Variants in TENM2 observed in about 807,000 individuals in gnomAD.
TENM2 encodes the protein teneurin-2.
Under a neutral mutation model 245.2 loss-of-function variants are expected in TENM2, and 52 were observed. The ratio of observed to expected loss-of-function variants is 0.21; its 90% CI spans 0.17 to 0.27. The LOEUF is 0.27. Among genes scored for constraint, TENM2 ranks in the 10% least tolerant of loss-of-function variants. The pLI, the probability that TENM2 is intolerant of heterozygous loss-of-function variation, is 1.00. For missense variants in TENM2, 3,046 were observed against 3,666.8 expected, an observed-to-expected ratio of 0.83 and a Z score of 4.37; for synonymous variants, 1,363 against 1,438.9, an observed-to-expected ratio of 0.95 and a Z score of 1.19.
At chr5:167,829,030 C>T (rs1001054142) in intron 2 of TENM2, among the ~76,000 whole-genome samples, 15 of 152,120 alleles carry the variant, frequency 9.9e-5, no homozygotes, top group South Asian at 4.1e-4. Flanking sequence ...GAGCTTTTTC[C>T]GGACTGGCTC....
chr5:168,226,449 C>CAGAT (rs1354168174), intron 24 of TENM2, among the ~76,000 whole-genome samples, 186 bp downstream of exon 26: 3 of 151,770 alleles, frequency 2.0e-5, no homozygotes, highest in South Asian at 2.1e-4. Flanking sequence ...ATGACTTAAT[C>CAGAT]AGATAGAACA....
chr5:168,144,735 A>G (rs563938344), intron 12 of TENM2, among the ~76,000 whole-genome samples: 1 of 152,230 alleles, frequency 6.6e-6, no homozygotes, highest in Non-Finnish European at 1.5e-5. Flanking sequence ...TTCTAGTTCT[A>G]GATCCCTGAG....
At chr5:167,836,426 A>G (rs1041651266) in intron 2 of TENM2, among the ~76,000 whole-genome samples, 2 of 152,222 alleles carry the variant, frequency 1.3e-5, no homozygotes, top group African/African-American at 2.4e-5. Flanking sequence ...GGATGGTCCA[A>G]TTGAGGTGGC....
chr5:167,717,385 G>T (rs1303032452), intron 2 of TENM2, among the ~76,000 whole-genome samples: 1 of 152,078 alleles, frequency 6.6e-6, no homozygotes, highest in East Asian at 1.9e-4. Context: ...CTCACTTTAA[G>T]TTCTCAAAAT....
At chr5:167,560,784 A>C (rs188003424) in intron 2 of TENM2, among the ~76,000 whole-genome samples, 1 of 152,340 alleles carries the variant, frequency 6.6e-6, no homozygotes, top group Admixed American at 6.5e-5. Context: ...ACTATATCAT[A>C]ATTCCAAAAA....
At chr5:167,072,545 A>G in the TENM2 span, among the ~76,000 whole-genome samples, 2 of 152,248 alleles carry the variant, frequency 1.3e-5, no homozygotes, top group Non-Finnish European at 2.9e-5. Context: ...GACAGCAGAC[A>G]TGTACTGGAG....
chr5:167,136,602 T>C, the TENM2 span, among the ~76,000 whole-genome samples: 2 of 152,176 alleles, frequency 1.3e-5, no homozygotes, highest in African/African-American at 2.4e-5. Flanking sequence ...CCCCTATTTC[T>C]TCTTTATTTC....
intron 2 of TENM2, among the ~76,000 whole-genome samples, chr5:167,640,490 T>C (rs1211639605): frequency 6.6e-6 from 1 of 151,872 alleles, no homozygotes; most frequent in Non-Finnish European, 1.5e-5. Flanking sequence ...TGGTGGCACA[T>C]GCCTGTAATT....
chr5:167,634,211 T>A (rs1046250488), intron 2 of TENM2, among the ~76,000 whole-genome samples: 2 of 151,498 alleles, frequency 1.3e-5, no homozygotes, highest in Non-Finnish European at 2.9e-5. Flanking sequence ...AATGACTGTT[T>A]GGCCAGTGAC....
chr5:168,024,992 C>T (rs1786474750), intron 5 of TENM2, among the ~76,000 whole-genome samples: 1 of 152,198 alleles, frequency 6.6e-6, no homozygotes, highest in South Asian at 2.1e-4. Flanking sequence ...ACTCCAGCAT[C>T]CAGGTGCTTA....
intron 2 of TENM2, among the ~76,000 whole-genome samples, chr5:167,538,352 A>G (rs1771983810): frequency 6.6e-6 from 1 of 152,244 alleles, no homozygotes; most frequent in Admixed American, 6.5e-5. Context: ...ATACAGTTTA[A>G]ATAGGCTCAT....
Position 168,244,636 on chromosome 5 carries a change from A to G in TENM2, c.5737A>G (p.Thr1913Ala). The G allele has an allele frequency of 6.4e-7, 1 of 1,571,696 alleles. No homozygotes were observed. The highest frequency in any genetic ancestry group is 8.7e-7 in the Non-Finnish European group (1 of 1,152,642). ...TCAGCGTGGGGCCATGAGCGAGAGG[A>G]CAGACATCGACAAGCAAGGCCGCAT... Residue 1913 changes from threonine to alanine, a missense_variant, in exon 26 of 29, where the codon ACA becomes GCA. Around this residue, in one of 2 missense-constraint regions of TENM2, gnomAD observed 2,704 missense variants for 3,331.9 expected, o/e 0.81. Coordinates refer to ENST00000518659, the Ensembl canonical transcript of TENM2. The surrounding 1 kb of genome is among the most constrained non-coding windows in gnomAD (Gnocchi z 4.9).
At chr5:167,524,310 T>C (rs1770962448) in intron 2 of TENM2, among the ~76,000 whole-genome samples, 1 of 152,128 alleles carries the variant, frequency 6.6e-6, no homozygotes, top group African/African-American at 2.4e-5. Context: ...ATAATAACAA[T>C]ACCTACTTCC....
At chr5:167,744,601 T>A (rs1761426771) in intron 2 of TENM2, among the ~76,000 whole-genome samples, 1 of 152,148 alleles carries the variant, frequency 6.6e-6, no homozygotes, top group South Asian at 2.1e-4. Context: ...GACACGTTTT[T>A]ATTTGGAAAG....
At chr5:168,220,325 G>T (rs960334607) in intron 23 of TENM2, among the ~76,000 whole-genome samples, 5 of 152,190 alleles carry the variant, frequency 3.3e-5, no homozygotes, top group African/African-American at 4.8e-5. Context: ...TCTCAGGGAG[G>T]CCAGCCTGAA....
At chr5:167,527,685 C>T (rs940500604) in intron 2 of TENM2, among the ~76,000 whole-genome samples, 4 of 152,122 alleles carry the variant, frequency 2.6e-5, no homozygotes, top group African/African-American at 9.7e-5. Context: ...ACATTATTTG[C>T]ACGTTATGAC....
intron 3 of TENM2, among the ~76,000 whole-genome samples, chr5:167,947,470 A>T (rs994421935): frequency 6.6e-6 from 1 of 152,176 alleles, no homozygotes; most frequent in Non-Finnish European, 1.5e-5. Context: ...ACATCTGGTC[A>T]GTGGCCAAGC....
intron 2 of TENM2, among the ~76,000 whole-genome samples, chr5:167,459,132 G>A (rs1003630356): frequency 1.3e-5 from 2 of 152,004 alleles, no homozygotes; most frequent in Non-Finnish European, 2.9e-5. Flanking sequence ...TTCACCCATC[G>A]AACAATAACT....
chr5:167,428,861 C>A (rs751310137), intron 2 of TENM2, among the ~76,000 whole-genome samples: 2 of 152,176 alleles, frequency 1.3e-5, no homozygotes, highest in Non-Finnish European at 2.9e-5. Flanking sequence ...GGGCCTTACA[C>A]AAGGATGTGT....
Sources: allele counts gnomAD v4.1 joint callset (sites outside exome capture counted in the v4.1 genomes callset), GRCh38; gene constraint gnomAD v4.1.1; regional missense constraint gnomAD v4.1.1; non-coding constraint Gnocchi (gnomAD v3.1); transcripts MANE v1.5; gene names NCBI Gene and HGNC (gene_info 2026-07-23, HGNC 2026-07-21).